Variants in ELF1 observed in about 807,000 individuals in gnomAD.
The protein encoded by ELF1 is E74 like ETS transcription factor 1.
A neutral mutation model predicts 59.9 loss-of-function variants in ELF1; 24 were observed. That is an observed-to-expected ratio of 0.40 (90% CI 0.29 to 0.56). The LOEUF (loss-of-function observed/expected upper bound fraction) is 0.56. Among genes scored for constraint, ELF1 ranks in the 20% least tolerant of loss-of-function variants. The pLI is 0.44. For missense variants in ELF1, 627 were observed against 742.2 expected (o/e 0.84, Z 1.80); for synonymous variants, 248 against 266.2 (o/e 0.93, Z 0.67).
chr13:40,987,022 G>A (rs751245956), intron 1 of ELF1, among the ~76,000 whole-genome samples: 2 of 138,216 alleles, frequency 1.4e-5, no homozygotes, highest in African/African-American at 2.7e-5. Flanking sequence ...TGCAAGCTCC[G>A]CCTCCCGGGT....
In ELF1 at chr13:41,027,798, A is replaced by G. The variant is rs9562266; in HGVS notation, c.-229+33040T>C. Among the ~76,000 whole-genome samples the G allele has an allele frequency of 2.7e-3, 414 of 152,310 alleles. 6 individuals carry two copies. In the East Asian group the frequency reaches 0.048, roughly 18 times the overall value. Reference sequence around the variant, plus strand: ...GGGGTAATGGGCTCAAGCTCATGGAATTCATTGGTCTTACCATGTTCCCTG... The same window carrying G: ...GGGGTAATGGGCTCAAGCTCATGGAGTTCATTGGTCTTACCATGTTCCCTG... On this transcript the variant is annotated intron_variant, in intron 1 of 1. Coordinates refer to the ELF1 transcript ENST00000405737.
intron 1 of ELF1, among the ~76,000 whole-genome samples, chr13:41,001,268 C>T (rs1177701460): frequency 1.3e-5 from 2 of 152,028 alleles, no homozygotes; most frequent in African/African-American, 4.8e-5. Flanking sequence ...AGCCACTGTG[C>T]CTGGCCAACA....
intron 1 of ELF1, among the ~76,000 whole-genome samples, chr13:41,013,628 G>A (rs756644550): frequency 9.2e-5 from 14 of 152,018 alleles, no homozygotes; most frequent in Non-Finnish European, 1.8e-4. Context: ...CTTAACATGG[G>A]TTGTTTCTCA....
At chr13:40,993,216 G>A (rs2138310368) in intron 1 of ELF1, 2 of 1,557,678 alleles carry the variant, frequency 1.3e-6, no homozygotes, top group South Asian at 2.2e-5. Context: ...CAGTGAGGCA[G>A]GAGCAGCTGC....
chr13:40,978,053 T>A (rs1200777621), intron 2 of ELF1, among the ~76,000 whole-genome samples: 1 of 152,096 alleles, frequency 6.6e-6, no homozygotes, highest in South Asian at 2.1e-4. Flanking sequence ...AAACTGCAGA[T>A]GGACTGAGGA....
chr13:41,005,700 T>G (rs548706231), intron 1 of ELF1, among the ~76,000 whole-genome samples: 1 of 152,236 alleles, frequency 6.6e-6, no homozygotes, highest in Non-Finnish European at 1.5e-5. Context: ...TACAACCAAA[T>G]AGAACTCTGT....
At chr13:41,038,587 T>C (rs1309322117) in intron 1 of ELF1, among the ~76,000 whole-genome samples, 1 of 152,190 alleles carries the variant, frequency 6.6e-6, no homozygotes, top group Non-Finnish European at 1.5e-5. Flanking sequence ...AGTTTGTTCA[T>C]CAAATGGCAT....
chr13:41,049,690 A>G (rs1877001684), intron 1 of ELF1, among the ~76,000 whole-genome samples: 1 of 152,032 alleles, frequency 6.6e-6, no homozygotes. Context: ...TCTCTTACAT[A>G]AGGCTTAGTC....
chr13:40,987,168 C>G (rs1873598266), intron 1 of ELF1, among the ~76,000 whole-genome samples: 1 of 150,164 alleles, frequency 6.7e-6, no homozygotes, highest in African/African-American at 2.4e-5. Flanking sequence ...GATCTCCTGA[C>G]CTTGTGATCC....
chr13:40,986,997 G>A (rs1416186011), intron 1 of ELF1, among the ~76,000 whole-genome samples: 2 of 137,402 alleles, frequency 1.5e-5, no homozygotes, highest in African/African-American at 5.4e-5. Flanking sequence ...GTGCAGTGGC[G>A]CCATCTCGGC....
At chr13:41,018,390 G>C (rs967340140) in intron 1 of ELF1, among the ~76,000 whole-genome samples, 1 of 152,108 alleles carries the variant, frequency 6.6e-6, no homozygotes, top group African/African-American at 2.4e-5. Context: ...TTTAAGAACA[G>C]TAATACAAAA....
At chr13:40,955,141 C>T (rs537948259) in intron 3 of ELF1, among the ~76,000 whole-genome samples, 4 of 150,624 alleles carry the variant, frequency 2.7e-5, no homozygotes, top group Middle Eastern at 3.4e-3. Flanking sequence ...GCAACCGCCG[C>T]GTCTGAGAAG....
At chr13:40,993,269 G>T in intron 1 of ELF1, 1 of 1,580,672 alleles carries the variant, frequency 6.3e-7, no homozygotes, top group Non-Finnish European at 8.7e-7. Flanking sequence ...TTGGGCCTCT[G>T]GTTTCCAGGC....
At chr13:41,050,987 T>C (rs1247706748) in intron 1 of ELF1, among the ~76,000 whole-genome samples, 3 of 152,246 alleles carry the variant, frequency 2.0e-5, no homozygotes, top group Non-Finnish European at 4.4e-5. Flanking sequence ...TTCTGCTTTG[T>C]TTTGTTTTAA....
At chr13:40,997,313 A>G (rs1332607224) in intron 1 of ELF1, among the ~76,000 whole-genome samples, 1 of 151,852 alleles carries the variant, frequency 6.6e-6, no homozygotes, top group African/African-American at 2.4e-5. Flanking sequence ...GCTGGAGTGC[A>G]GTGGTGCAAT....
In ELF1 at chr13:41,016,566, C is replaced by T. The variant is rs1875375736; in HGVS notation, c.-229+2662G>A. Reference sequence around the variant, plus strand: ...AGTCACATGCAAAGTTTTACACATACACATATTTTAGTATAACAAGGTATC... The same window carrying T: ...AGTCACATGCAAAGTTTTACACATATACATATTTTAGTATAACAAGGTATC... On this transcript the variant is annotated intron_variant, in intron 1 of 8. Coordinates refer to ENST00000239882, the MANE Select transcript of ELF1 (RefSeq NM_172373.4). Among the ~76,000 whole-genome samples the T allele has an allele frequency of 2.0e-5, 3 of 152,204 alleles. No individual in the cohort carries two copies. The South Asian group carries it at 6.2e-4, about 32-fold the overall frequency.
intron 2 of ELF1, among the ~76,000 whole-genome samples, chr13:40,960,703 G>C (rs1045930870): frequency 6.6e-6 from 1 of 152,138 alleles, no homozygotes; most frequent in Admixed American, 6.5e-5. Context: ...CTCCCAAATA[G>C]CTGGGACTAC....
At chr13:40,955,609 T>C (rs186972220) in intron 3 of ELF1, among the ~76,000 whole-genome samples, 13,774 of 32,012 alleles carry the variant, frequency 0.43, 3,632 homozygotes, top group Non-Finnish European at 0.58. Context: ...CACCTCTGCC[T>C]GGCCGCCCCT....
intron 1 of ELF1, among the ~76,000 whole-genome samples, chr13:41,004,501 A>C (rs1369150822): frequency 6.6e-6 from 1 of 152,128 alleles, no homozygotes; most frequent in Non-Finnish European, 1.5e-5. Context: ...CCTGCATTCA[A>C]GTTGTAGTTG....
Sources: allele counts gnomAD v4.1 joint callset (sites outside exome capture counted in the v4.1 genomes callset), GRCh38; gene constraint gnomAD v4.1.1; transcripts MANE v1.5; gene names NCBI Gene and HGNC (gene_info 2026-07-23, HGNC 2026-07-21).